The following NELL1 variants were observed in gnomAD, a reference collection of about 807,000 sequenced individuals.
NELL1 encodes the protein neural EGFL like 1, also known as protein kinase C-binding protein NELL1.
NELL1 carries 76 observed loss-of-function variants against 107.4 expected under a neutral mutation model. The observed-to-expected ratio is 0.71, with a 90% CI of 0.59 to 0.86. The LOEUF (loss-of-function observed/expected upper bound fraction) is 0.86. Among genes scored for constraint, NELL1 ranks in the 40% least tolerant of loss-of-function variants. The pLI, the probability that NELL1 is intolerant of heterozygous loss-of-function variation, is 0.00. For missense variants in NELL1, 1,024 were observed against 1,005.5 expected (o/e 1.02, Z -0.25); for synonymous variants, 353 against 341.2 (o/e 1.03, Z -0.38).
intron 13 of NELL1, among the ~76,000 whole-genome samples, chr11:21,186,182 A>G (rs1281937876): frequency 6.6e-6 from 1 of 151,856 alleles, no homozygotes; most frequent in Non-Finnish European, 1.5e-5. Context: ...TGACTTCTCC[A>G]TTATTTTACT....
At chr11:21,470,608 C>G (rs1173988644) in intron 15 of NELL1, among the ~76,000 whole-genome samples, 1 of 152,136 alleles carries the variant, frequency 6.6e-6, no homozygotes. Flanking sequence ...CTGTGCATAT[C>G]TGCAACCAGA....
chr11:21,169,969 C>T lies in NELL1; in HGVS notation c.1426+56255C>T, dbSNP rs1856568430. The T allele has an allele frequency of 1.3e-5, 18 of 1,410,494 alleles. No individual in the cohort carries two copies. The South Asian group carries it at 2.0e-4, about 15-fold the overall frequency. 87.4% of individuals were successfully genotyped at this position (1,410,494 alleles called of 1,614,324 possible). A position where few individuals can be genotyped will look rare whatever the true frequency, so the allele number is the denominator to read the frequency against. On this transcript the variant is annotated intron_variant, in intron 13 of 19. Coordinates refer to ENST00000357134, the MANE Select transcript of NELL1 (RefSeq NM_006157.5). Reference sequence around the variant, plus strand: ...CCAAGAGCCCTCTCTTTGTAGGGGACAGGGACAGTGCAATGCGGGCTCCTC... The same window carrying T: ...CCAAGAGCCCTCTCTTTGTAGGGGATAGGGACAGTGCAATGCGGGCTCCTC...
Position 21,123,368 on chromosome 11 carries a change from C to CGT in NELL1, c.1426+9655_1426+9656dup, listed in dbSNP as rs368883730. 2.5e-3 allele frequency among the ~76,000 whole-genome samples: 353 copies of CGT among 140,134 alleles called. 2 individuals carry two copies. Among genetic ancestry groups the CGT allele is most frequent in the African/African-American group, 8.9e-3 (322 of 36,050 alleles). 91.9% of individuals were successfully genotyped at this position (140,134 alleles called of 152,430 possible). On this transcript the variant is annotated intron_variant, in intron 13 of 19. Transcript: ENST00000357134. Reference sequence around the variant, plus strand: ...GTGTGTGTGTGTGTGTGTGTGTGTGCGTTTCCATGTATGTGTAGATCCACA... The same window carrying CGT: ...GTGTGTGTGTGTGTGTGTGTGTGTGCGTGTTTCCATGTATGTGTAGATCCACA...
intron 2 of NELL1, among the ~76,000 whole-genome samples, chr11:20,738,397 G>T (rs1166493707): frequency 6.6e-6 from 1 of 152,098 alleles, no homozygotes; most frequent in Non-Finnish European, 1.5e-5. Flanking sequence ...GGCTTGCTGG[G>T]GCACAGGGAG....
chr11:21,066,462 C>A (rs1853872632), intron 12 of NELL1, among the ~76,000 whole-genome samples: 1 of 152,098 alleles, frequency 6.6e-6, no homozygotes, highest in African/African-American at 2.4e-5. Flanking sequence ...AAAATATGGA[C>A]TAGGGATTTA....
intron 3 of NELL1, among the ~76,000 whole-genome samples, chr11:20,798,077 T>C (rs1857209124): frequency 6.6e-6 from 1 of 152,168 alleles, no homozygotes; most frequent in South Asian, 2.1e-4. Flanking sequence ...AGTGTAGACA[T>C]AGCTTCAAGG....
chr11:21,342,184 T>A (rs542497181), intron 14 of NELL1, among the ~76,000 whole-genome samples: 2 of 152,326 alleles, frequency 1.3e-5, no homozygotes, highest in South Asian at 4.1e-4. Context: ...CCAGGAAGGA[T>A]AATTTTTTCA....
intron 12 of NELL1, among the ~76,000 whole-genome samples, chr11:21,021,700 T>A (rs568706500): frequency 6.6e-6 from 1 of 152,214 alleles, no homozygotes; most frequent in Non-Finnish European, 1.5e-5. Flanking sequence ...TTCACGGTGG[T>A]GATAGGCCCA....
chr11:20,855,139 C>G (rs573501998), intron 4 of NELL1, among the ~76,000 whole-genome samples: 2 of 151,874 alleles, frequency 1.3e-5, no homozygotes, highest in African/African-American at 4.8e-5. Context: ...ACATCAGTAG[C>G]AGACCTATTT....
At chr11:20,681,898 G>A (rs1330546889) in intron 2 of NELL1, among the ~76,000 whole-genome samples, 2 of 151,892 alleles carry the variant, frequency 1.3e-5, no homozygotes, top group Non-Finnish European at 2.9e-5. Flanking sequence ...CCTTCTCTTT[G>A]ATTCTGTCAT....
chr11:21,034,624 T>G (rs1251342707), intron 12 of NELL1, among the ~76,000 whole-genome samples: 1 of 152,176 alleles, frequency 6.6e-6, no homozygotes, highest in African/African-American at 2.4e-5. Flanking sequence ...ACATGGAAAT[T>G]TAATAATATG....
chr11:20,711,355 T>C (rs139824166), intron 2 of NELL1, among the ~76,000 whole-genome samples: 61 of 152,292 alleles, frequency 4.0e-4, no homozygotes, highest in African/African-American at 1.3e-3. Context: ...ATTTTTTAAG[T>C]CAAGCATTTA....
At chr11:21,382,617 G>A (rs1244917779) in intron 15 of NELL1, among the ~76,000 whole-genome samples, 1 of 151,816 alleles carries the variant, frequency 6.6e-6, no homozygotes, top group Non-Finnish European at 1.5e-5. Flanking sequence ...GAATAGAATA[G>A]AAATTTTGGT....
intron 15 of NELL1, among the ~76,000 whole-genome samples, chr11:21,520,034 TAGG>T: frequency 6.6e-6 from 1 of 152,236 alleles, no homozygotes; most frequent in African/African-American, 2.4e-5. Flanking sequence ...CTGGCACTAA[TAGG>T]AGAAGAGAGA....
At chr11:21,250,794 G>T (rs1004838808) in intron 14 of NELL1, among the ~76,000 whole-genome samples, 19 of 152,144 alleles carry the variant, frequency 1.2e-4, no homozygotes, top group African/African-American at 4.6e-4. Flanking sequence ...AAATTATAAT[G>T]TTTGATAGGT....
intron 12 of NELL1, among the ~76,000 whole-genome samples, chr11:21,096,342 C>T (rs1854642721): frequency 6.6e-6 from 1 of 152,220 alleles, no homozygotes; most frequent in South Asian, 2.1e-4. Flanking sequence ...CCCTCTGTCT[C>T]TCAGCCTTTT....
chr11:21,019,415 G>A (rs1156527896), intron 12 of NELL1, among the ~76,000 whole-genome samples: 5 of 152,014 alleles, frequency 3.3e-5, no homozygotes, highest in Non-Finnish European at 7.4e-5. Context: ...GTCATTCCAG[G>A]CACAGTATGG....
At chr11:20,910,068 G>A (rs1850091471) in intron 5 of NELL1, among the ~76,000 whole-genome samples, 1 of 152,168 alleles carries the variant, frequency 6.6e-6, no homozygotes, top group Admixed American at 6.6e-5. Context: ...TCATATGCCT[G>A]TAGCTGGCTG....
chr11:20,813,711 T>C (rs1519735), intron 3 of NELL1, among the ~76,000 whole-genome samples: 85,722 of 152,026 alleles, frequency 0.56, 27,447 homozygotes, highest in East Asian at 0.87. Context: ...ATTTTGTGCC[T>C]TTTTACTCCA....
Sources: gnomAD v4.1 joint callset for allele counts (sites outside exome capture counted in the v4.1 genomes callset) on GRCh38, gnomAD v4.1.1 for gene constraint, MANE v1.5 for transcripts, NCBI Gene and HGNC (gene_info 2026-07-23, HGNC 2026-07-21) for gene names.